DDR2: variants seen among roughly 807,000 people sequenced by gnomAD.
The protein encoded by DDR2 is discoidin domain-containing receptor 2.
Under a neutral mutation model 94.9 loss-of-function variants are expected in DDR2, and 27 were observed. That is an observed-to-expected ratio of 0.28 (90% confidence interval 0.21 to 0.39). The LOEUF (loss-of-function observed/expected upper bound fraction) is 0.39. Ranked by LOEUF, DDR2 falls within the 10% of genes least tolerant of loss-of-function variation. DDR2 has a pLI of 1.00. For missense variants in DDR2, 783 were observed against 1,076.0 expected (o/e 0.73, Z 3.81); for synonymous variants, 382 against 377.2 (o/e 1.01, Z -0.15).
At chr1:162,717,283 G>A (rs1256430507) in intron 2 of DDR2, among the ~76,000 whole-genome samples, 3 of 152,114 alleles carry the variant, frequency 2.0e-5, no homozygotes, top group African/African-American at 7.2e-5. Context: ...TGATCCACCC[G>A]CCTCGGCCTT....
chr1:162,641,269 T>C (rs17432190), intron 1 of DDR2, among the ~76,000 whole-genome samples: 8,570 of 152,340 alleles, frequency 0.056, 289 homozygotes, highest in Admixed American at 0.088. Flanking sequence ...ATCGCTGTCC[T>C]GTCAGCACCC....
intron 2 of DDR2, 62 bp from the exon 3 acceptor site, chr1:162,718,975 A>G (rs1368072116): frequency 1.3e-6 from 2 of 1,508,856 alleles, no homozygotes; most frequent in Non-Finnish European, 1.8e-6. Context: ...TGTTGGCAGT[A>G]TCTGCCTCAC....
At chr1:162,741,479 A>G (rs1179430401) in intron 3 of DDR2, 1 of 543,978 alleles carries the variant, frequency 1.8e-6, no homozygotes, top group Non-Finnish European at 2.3e-6. Context: ...TTTGAGAGTA[A>G]TAGTGTGTAC....
chr1:162,737,972 C>T (rs141012408), intron 3 of DDR2, among the ~76,000 whole-genome samples: 3,014 of 151,948 alleles, frequency 0.02, 83 homozygotes, highest in African/African-American at 0.058. Context: ...GAGAAGTGTC[C>T]GTTCATGACA....
intron 2 of DDR2, among the ~76,000 whole-genome samples, chr1:162,708,837 C>T (rs1660769028): frequency 6.6e-6 from 1 of 152,176 alleles, no homozygotes; most frequent in Admixed American, 6.5e-5. Context: ...TTACTGAGTA[C>T]TTACTATATA....
In DDR2 at chr1:162,689,935, G is replaced by C. The variant is rs1451610427; in HGVS notation, c.-27-29102G>C. On this transcript the variant is annotated intron_variant, in intron 2 of 17. Transcript: ENST00000367921. ...GGAGGCTGAGTTGGGAGGATCCCTT[G>C]AACCTGGGAGGCAGAGATTGCAGTA... 2.7e-5 allele frequency among the ~76,000 whole-genome samples: 4 copies of C among 147,614 alleles called. No homozygotes were observed. The South Asian group carries it at 8.8e-4, about 32-fold the overall frequency.
intron 2 of DDR2, among the ~76,000 whole-genome samples, chr1:162,690,149 C>T (rs1328834902): frequency 6.6e-6 from 1 of 152,178 alleles, no homozygotes; most frequent in East Asian, 1.9e-4. Context: ...TGTGTTTCCT[C>T]ACTTTATGCT....
At chr1:162,650,545 A>G (rs564029643) in intron 1 of DDR2, among the ~76,000 whole-genome samples, 2 of 152,188 alleles carry the variant, frequency 1.3e-5, no homozygotes, top group East Asian at 3.9e-4. Flanking sequence ...GCAGTGAACT[A>G]AGACTGCACC....
intron 3 of DDR2, among the ~76,000 whole-genome samples, chr1:162,741,315 A>G (rs1426870404): frequency 7.3e-6 from 1 of 136,312 alleles, no homozygotes; most frequent in Non-Finnish European, 1.6e-5. Flanking sequence ...AATATAATAT[A>G]ATATAAATTT....
chr1:162,710,764 G>GCACACACA (rs113812328), intron 2 of DDR2, among the ~76,000 whole-genome samples: 32 of 148,144 alleles, frequency 2.2e-4, no homozygotes, highest in African/African-American at 5.7e-4. Flanking sequence ...ACACAGTCAT[G>GCACACACA]CACACACACA....
intron 14 of DDR2, among the ~76,000 whole-genome samples, chr1:162,774,134 C>T (rs575290100): frequency 2.4e-4 from 37 of 152,264 alleles, no homozygotes; most frequent in African/African-American, 8.4e-4. Flanking sequence ...AAAGGATCCA[C>T]AGTTCTCTAG....
chr1:162,746,525 A>G (rs1662876140), intron 3 of DDR2, among the ~76,000 whole-genome samples: 1 of 152,228 alleles, frequency 6.6e-6, no homozygotes, highest in Non-Finnish European at 1.5e-5. Context: ...CTGCCTCTGT[A>G]GACGCCACCT....
Position 162,776,378 on chromosome 1 carries a change from C to T in DDR2, c.2283+8C>T, listed in dbSNP as rs2102200177. 2 of 1,613,834 alleles carry T rather than the reference C, an allele frequency of 1.2e-6. No homozygotes were observed. The highest frequency in any genetic ancestry group is 1.7e-5 in the Admixed American group (1 of 59,998). ...TGGGAGAGTATCTTGCTGGTAAGTT[C>T]TCAGCATTTTAAAGCCCTGTCTAAC... On this transcript the variant is annotated splice_region_variant and intron_variant, in intron 16 of 17. Transcript: ENST00000367921.
At chr1:162,778,405 G>A (rs1647708381) in intron 16 of DDR2, among the ~76,000 whole-genome samples, 175 bp from the exon 17 acceptor site, 1 of 152,160 alleles carries the variant, frequency 6.6e-6, no homozygotes. Context: ...GAACCAAGCT[G>A]AGATCATGAG....
At chr1:162,703,593 AT>A in intron 2 of DDR2, among the ~76,000 whole-genome samples, 1 of 152,228 alleles carries the variant, frequency 6.6e-6, no homozygotes, top group Non-Finnish European at 1.5e-5. Flanking sequence ...AGCACCTACT[AT>A]AGGTGAATTC....
At chr1:162,661,489 G>A (rs1192801645) in intron 2 of DDR2, among the ~76,000 whole-genome samples, 4 of 152,186 alleles carry the variant, frequency 2.6e-5, no homozygotes, top group Non-Finnish European at 5.9e-5. Context: ...CCCACCACCT[G>A]TCTCTTATTT....
At chr1:162,778,475 T>A in intron 16 of DDR2, 105 bp from the exon 17 acceptor site, 1 of 1,405,278 alleles carries the variant, frequency 7.1e-7, no homozygotes, top group Non-Finnish European at 1.0e-6. Flanking sequence ...TCAGAATTCC[T>A]TGCCTGTGGT....
intron 11 of DDR2, 127 bp downstream of exon 11, chr1:162,767,486 G>C: frequency 7.3e-7 from 1 of 1,375,412 alleles, no homozygotes; most frequent in Non-Finnish European, 1.0e-6. Context: ...AGGCTACCAA[G>C]AAACATAGGA....
chr1:162,757,024 G>A (rs1313700114), intron 7 of DDR2, among the ~76,000 whole-genome samples: 1 of 152,148 alleles, frequency 6.6e-6, no homozygotes, highest in Non-Finnish European at 1.5e-5. Flanking sequence ...TGGAGTAGGG[G>A]CTAAAACAGA....
Sources: gnomAD v4.1 joint callset for allele counts (sites outside exome capture counted in the v4.1 genomes callset) on GRCh38, gnomAD v4.1.1 for gene constraint, MANE v1.5 for transcripts, NCBI Gene and HGNC (gene_info 2026-07-23, HGNC 2026-07-21) for gene names.